The following NCK2 variants were observed in gnomAD, a reference collection of about 807,000 sequenced individuals.
NCK2 encodes cytoplasmic protein NCK2.
Under a neutral mutation model 33.9 loss-of-function variants are expected in NCK2, and 16 were observed. That is an observed-to-expected ratio of 0.47 (90% CI 0.32 to 0.72). The LOEUF is 0.72. Ranked by LOEUF, NCK2 falls within the 30% of genes least tolerant of loss-of-function variation. The probability of loss-of-function intolerance (pLI) is 0.03; values close to 1 mark genes in which losing one functional copy is unlikely to be tolerated. For synonymous variants in NCK2, 273 were observed against 239.9 expected (o/e 1.14, Z -1.27); for missense variants, 418 against 537.3 (o/e 0.78, Z 2.19).
intron 4 of NCK2, among the ~76,000 whole-genome samples, chr2:105,885,329 G>A (rs901208094): frequency 6.6e-6 from 1 of 152,106 alleles, no homozygotes; most frequent in African/African-American, 2.4e-5. Flanking sequence ...GAGAAAAACT[G>A]TCTCGCTAAG....
At chr2:105,754,798 A>T (rs1233271939) in intron 1 of NCK2, among the ~76,000 whole-genome samples, 1 of 151,748 alleles carries the variant, frequency 6.6e-6, no homozygotes, top group Non-Finnish European at 1.5e-5. Context: ...GGATTCAGGG[A>T]GTTATTTTGA....
chr2:105,864,451 G>A (rs941706588), intron 3 of NCK2, among the ~76,000 whole-genome samples: 1 of 152,130 alleles, frequency 6.6e-6, no homozygotes, highest in African/African-American at 2.4e-5. Context: ...GACCAACAGT[G>A]ACCCAGAGAG....
intron 1 of NCK2, among the ~76,000 whole-genome samples, chr2:105,765,786 GGTGTGT>G (rs56917992): frequency 4.3e-4 from 63 of 147,336 alleles, no homozygotes; most frequent in South Asian, 1.9e-3. Flanking sequence ...TAGAATAGGG[GGTGTGT>G]GTGTGTGTGT....
At chr2:105,805,258 A>G (rs1674989901) in intron 1 of NCK2, among the ~76,000 whole-genome samples, 2 of 152,244 alleles carry the variant, frequency 1.3e-5, no homozygotes, top group African/African-American at 4.8e-5. Flanking sequence ...AGATGTTCCC[A>G]GTACGGGGAG....
At chr2:105,769,919 G>A (rs1052416055) in intron 1 of NCK2, among the ~76,000 whole-genome samples, 12 of 152,040 alleles carry the variant, frequency 7.9e-5, no homozygotes, top group African/African-American at 2.7e-4. Flanking sequence ...TTTTTGATTC[G>A]GGATTTTGGA....
At chr2:105,784,984 TTTTG>T (rs1253433561) in intron 1 of NCK2, among the ~76,000 whole-genome samples, 2 of 152,206 alleles carry the variant, frequency 1.3e-5, no homozygotes, top group South Asian at 2.1e-4. Context: ...TTGTTTTTGT[TTTTG>T]TTTGTTTTGA....
intron 1 of NCK2, among the ~76,000 whole-genome samples, chr2:105,807,842 CCTCCCTCCCTCCCTCCCTTCTCTCTATCT>C (rs1321023828): frequency 0.077 from 1,322 of 17,130 alleles, 92 homozygotes; most frequent in African/African-American, 0.24. Flanking sequence ...TCTATCTCTC[CCTCCCTCCCTCCCTCCCTTCTCTCTATCT>C]CTCCCTCCCT....
chr2:105,855,347 C>T, intron 3 of NCK2, 58 bp downstream of exon 3: 5 of 1,250,078 alleles, frequency 4.0e-6, no homozygotes, highest in South Asian at 1.7e-5. Flanking sequence ...CACTGTTCGT[C>T]TTTCTAGTTA....
intron 2 of NCK2, among the ~76,000 whole-genome samples, chr2:105,820,131 C>T (rs536786862): frequency 6.6e-6 from 1 of 152,202 alleles, no homozygotes; most frequent in African/African-American, 2.4e-5. Flanking sequence ...AATGAGGAGA[C>T]GTGTACAGAG....
intron 4 of NCK2, among the ~76,000 whole-genome samples, chr2:105,887,949 T>C (rs958990033): frequency 6.6e-6 from 1 of 152,184 alleles, no homozygotes; most frequent in African/African-American, 2.4e-5. Flanking sequence ...AAGAATTACC[T>C]AAAGGAATGA....
intron 2 of NCK2, among the ~76,000 whole-genome samples, chr2:105,823,079 G>A (rs967827981): frequency 2.0e-5 from 3 of 151,564 alleles, no homozygotes; most frequent in Non-Finnish European, 2.9e-5. Flanking sequence ...ACTAGGAAAA[G>A]CAGAGAGAAA....
chr2:105,756,888 T>TC (rs1472433795), intron 1 of NCK2, among the ~76,000 whole-genome samples: 2 of 151,856 alleles, frequency 1.3e-5, no homozygotes, highest in African/African-American at 4.8e-5. Context: ...CATCACAACC[T>TC]CCCCCCTCCT....
At chr2:105,850,907 C>T (rs1677040006) in intron 2 of NCK2, among the ~76,000 whole-genome samples, 1 of 152,194 alleles carries the variant, frequency 6.6e-6, no homozygotes, top group Non-Finnish European at 1.5e-5. Flanking sequence ...TAGCAAATTA[C>T]TCTTAACTGA....
At position 105,882,046 on chromosome 2, in the gene NCK2, C is replaced by T. The variant is rs752615401; in HGVS notation, c.945C>T (p.Ser315=). The T allele has an allele frequency of 6.7e-7, 1 of 1,497,768 alleles. No individual in the cohort carries two copies. Among genetic ancestry groups the T allele is most frequent in the South Asian group, 1.4e-5 (1 of 72,428 alleles). 92.8% of individuals were successfully genotyped at this position (1,497,768 alleles called of 1,614,324 possible). The change falls in exon 4 of 5, where the codon TCC becomes TCT. Residue 315 remains serine, a synonymous_variant. Transcript: ENST00000233154. ...EGDFLIRDSE[S]SPSDFSVSLK... is the part of the protein sequence containing the mutation. The stretch of plus-strand genomic sequence containing the variant: ...ACTTCCTCATTAGGGACAGCGAGTC[C>T]TCGGTAAGTGCGCTGCGCCCACAGC...
chr2:105,888,543 T>G (rs1377291446), intron 4 of NCK2, among the ~76,000 whole-genome samples: 1 of 152,232 alleles, frequency 6.6e-6, no homozygotes, highest in Non-Finnish European at 1.5e-5. Flanking sequence ...AAAATTGTAA[T>G]GAGTGTCCTG....
At chr2:105,822,968 T>G (rs976055953) in intron 2 of NCK2, among the ~76,000 whole-genome samples, 4 of 151,978 alleles carry the variant, frequency 2.6e-5, no homozygotes, top group African/African-American at 9.7e-5. Flanking sequence ...TAAGAGGCCC[T>G]GGGCCGGCCG....
At position 105,894,253 on chromosome 2, in the gene NCK2, A is replaced by T. The variant is rs1679122735; in HGVS notation, c.*1077A>T. Reference sequence around the variant, plus strand: ...TACCCAGTTTTTTGGATATTGTAATAAAAAAAAGTATTATGACAAGGCTCT... The same window carrying T: ...TACCCAGTTTTTTGGATATTGTAATTAAAAAAAGTATTATGACAAGGCTCT... On this transcript the variant is annotated 3_prime_UTR_variant, in exon 5 of 5. Transcript: ENST00000233154. 6.6e-6 allele frequency: 1 copy of T among 151,094 alleles called. No homozygotes were observed. The highest frequency in any genetic ancestry group is 2.4e-5 in the African/African-American group (1 of 41,214). The allele number at this position is 151,094 out of a possible 1,614,324, so 9.4% of individuals were successfully genotyped here. A position where few individuals can be genotyped will look rare whatever the true frequency, so the allele number is the denominator to read the frequency against.
intron 2 of NCK2, among the ~76,000 whole-genome samples, chr2:105,827,298 T>C (rs1467564784): frequency 6.6e-6 from 1 of 152,176 alleles, no homozygotes; most frequent in Non-Finnish European, 1.5e-5. Flanking sequence ...CGCGCCTGGC[T>C]GACATAGCAT....
At chr2:105,854,924 C>A in intron 2 of NCK2, 124 bp from the exon 3 acceptor site, 1 of 671,162 alleles carries the variant, frequency 1.5e-6, no homozygotes. Flanking sequence ...CATTTCAAGA[C>A]CCAGGAGAAA....
Sources: gnomAD v4.1 joint callset for allele counts (sites outside exome capture counted in the v4.1 genomes callset) on GRCh38, gnomAD v4.1.1 for gene constraint, MANE v1.5 for transcripts, NCBI Gene and HGNC (gene_info 2026-07-23, HGNC 2026-07-21) for gene names.